RAD51B: variants seen among roughly 807,000 people sequenced by gnomAD.
RAD51B encodes DNA repair protein RAD51 homolog 2.
Under a neutral mutation model 42.2 loss-of-function variants are expected in RAD51B, and 38 were observed. The observed-to-expected ratio is 0.90, with a 90% confidence interval of 0.70 to 1.18. The LOEUF (loss-of-function observed/expected upper bound fraction) is 1.18, where lower values mean the gene tolerates loss of function less well. Ranked by LOEUF, RAD51B falls within the 50% of genes most tolerant of loss-of-function variation. RAD51B has a pLI of 0.00. For missense variants in RAD51B, 373 were observed against 400.7 expected (o/e 0.93, Z 0.59); for synonymous variants, 154 against 145.2 (o/e 1.06, Z -0.43).
Position 67,940,022 on chromosome 14 carries a change from G to GCA in RAD51B, c.756+52819_756+52820dup, listed in dbSNP as rs1288636507. On this transcript the variant is annotated intron_variant, in intron 7 of 10. Coordinates refer to ENST00000471583, the MANE Select transcript of RAD51B (RefSeq NM_133510.4). ...TATAAAACTGTAACATTTGATAGATGCATATATATATATATATATATATAT... is the reference window on the plus strand; with the variant it reads ...TATAAAACTGTAACATTTGATAGATGCACATATATATATATATATATATATAT... 6.5e-3 allele frequency among the ~76,000 whole-genome samples: 124 copies of GCA among 19,200 alleles called. 6 individuals carry two copies. Among genetic ancestry groups the GCA allele is most frequent in the Middle Eastern group, 0.062 (1 of 16 alleles). The allele number at this position is 19,200 out of a possible 152,430, so 12.6% of individuals were successfully genotyped here. A position where few individuals can be genotyped will look rare whatever the true frequency, so the allele number is the denominator to read the frequency against.
At chr14:68,287,596 T>C (rs1358430794) in intron 7 of RAD51B, among the ~76,000 whole-genome samples, 1 of 152,110 alleles carries the variant, frequency 6.6e-6, no homozygotes, top group Non-Finnish European at 1.5e-5. Flanking sequence ...GTGTTGGGGG[T>C]GTGTTGCGTG....
chr14:67,853,048 A>C lies in RAD51B; in HGVS notation c.316-11955A>C, dbSNP rs1240003729. Among the ~76,000 whole-genome samples the C allele has an allele frequency of 2.0e-5, 3 of 152,200 alleles. No homozygotes were observed. In the East Asian group the frequency reaches 5.8e-4, roughly 29 times the overall value. ...GGGAAGGAAGAAAAGCTTAAAACCCAAGAAGGACTCAGGATGCCATTGCTG... is the reference window on the plus strand; with the variant it reads ...GGGAAGGAAGAAAAGCTTAAAACCCCAGAAGGACTCAGGATGCCATTGCTG... On this transcript the variant is annotated intron_variant, in intron 4 of 10. Transcript: ENST00000471583.
chr14:67,929,058 T>C (rs1226998667), intron 7 of RAD51B, among the ~76,000 whole-genome samples: 1 of 152,078 alleles, frequency 6.6e-6, no homozygotes, highest in African/African-American at 2.4e-5. Flanking sequence ...ATGATCAACG[T>C]TTTGTATTGT....
At chr14:68,036,459 C>CT (rs2076124453) in intron 7 of RAD51B, among the ~76,000 whole-genome samples, 1 of 152,174 alleles carries the variant, frequency 6.6e-6, no homozygotes, top group African/African-American at 2.4e-5. Context: ...AAAGTAATGA[C>CT]TAGAAGACTG....
At chr14:67,869,481 G>C (rs547573778) in intron 5 of RAD51B, among the ~76,000 whole-genome samples, 1 of 152,164 alleles carries the variant, frequency 6.6e-6, no homozygotes, top group African/African-American at 2.4e-5. Flanking sequence ...GAAAGTGACG[G>C]GGAGAATGGA....
intron 11 of RAD51B, among the ~76,000 whole-genome samples, chr14:68,667,924 A>G (rs1278597358): frequency 6.6e-6 from 1 of 152,208 alleles, no homozygotes; most frequent in Non-Finnish European, 1.5e-5. Flanking sequence ...GCCTTCAGTA[A>G]GGTAACTCCA....
At chr14:68,316,354 G>A (rs913831622) in intron 8 of RAD51B, among the ~76,000 whole-genome samples, 1 of 152,356 alleles carries the variant, frequency 6.6e-6, no homozygotes, top group Middle Eastern at 3.4e-3. Context: ...GCTGGTCAAG[G>A]AAGTGTTTTT....
At chr14:67,843,577 A>G (rs2041507320) in intron 4 of RAD51B, 1 of 151,794 alleles carries the variant, frequency 6.6e-6, no homozygotes, top group Non-Finnish European at 1.5e-5. Flanking sequence ...TTCTGGTTCA[A>G]TTTTGGGAGG....
chr14:68,545,833 G>A (rs553857348), intron 10 of RAD51B, among the ~76,000 whole-genome samples: 8 of 152,238 alleles, frequency 5.3e-5, no homozygotes, highest in Admixed American at 2.0e-4. Flanking sequence ...AGATTGGGCC[G>A]CATTAGTAAG....
rs114525337 is a variant in RAD51B at position 68,043,512 on chromosome 14, A to G, written c.756+156308A>G. 2.3e-3 allele frequency among the ~76,000 whole-genome samples: 350 copies of G among 152,328 alleles called. 1 individual carries two copies. Among genetic ancestry groups the G allele is most frequent in the African/African-American group, 8.2e-3 (339 of 41,576 alleles). ...TACCAACTTTTTCTTAGATGGGAAG[A>G]AAAATGGAATTCAAGCCCCAATTAT... is the stretch of plus-strand genomic sequence containing the variant. On this transcript the variant is annotated intron_variant, in intron 7 of 10. Coordinates refer to ENST00000471583, the MANE Select transcript of RAD51B (RefSeq NM_133510.4).
chr14:68,563,951 T>C, intron 10 of RAD51B: 1 of 971,514 alleles, frequency 1.0e-6, no homozygotes. Flanking sequence ...TAGAGAACTC[T>C]TGGGTGCTCC....
intron 7 of RAD51B, among the ~76,000 whole-genome samples, chr14:67,981,232 T>G (rs890618261): frequency 2.0e-5 from 3 of 152,038 alleles, no homozygotes; most frequent in African/African-American, 7.2e-5. Context: ...AAATATTACT[T>G]CCTTTTCTAT....
chr14:68,177,884 GAAGACATT>G (rs1306090463), intron 7 of RAD51B, among the ~76,000 whole-genome samples: 1 of 152,118 alleles, frequency 6.6e-6, no homozygotes, highest in Non-Finnish European at 1.5e-5. Context: ...TACCTTGCCT[GAAGACATT>G]TTCCTACTCA....
chr14:68,280,431 G>C (rs958370128), intron 7 of RAD51B, among the ~76,000 whole-genome samples: 5 of 152,126 alleles, frequency 3.3e-5, no homozygotes, highest in Non-Finnish European at 7.3e-5. Context: ...TCTGCGTCTG[G>C]TGCTCCCATG....
chr14:68,219,134 A>G (rs1595565793), intron 7 of RAD51B, among the ~76,000 whole-genome samples: 1 of 152,232 alleles, frequency 6.6e-6, no homozygotes, highest in East Asian at 1.9e-4. Context: ...ACAGAGCACC[A>G]TAATCTTGCG....
At chr14:68,629,650 G>A (rs925983150) in intron 10 of RAD51B, among the ~76,000 whole-genome samples, 3 of 152,170 alleles carry the variant, frequency 2.0e-5, no homozygotes, top group African/African-American at 4.8e-5. Flanking sequence ...TAGCTTTATC[G>A]TTTTGTGATG....
At chr14:68,112,279 T>G (rs1402648848) in intron 7 of RAD51B, among the ~76,000 whole-genome samples, 4 of 152,028 alleles carry the variant, frequency 2.6e-5, no homozygotes, top group African/African-American at 9.7e-5. Flanking sequence ...TTAACAATGG[T>G]CTTCCATAAT....
chr14:68,121,682 A>C (rs2077654687), intron 7 of RAD51B, among the ~76,000 whole-genome samples: 1 of 152,212 alleles, frequency 6.6e-6, no homozygotes, highest in East Asian at 1.9e-4. Flanking sequence ...AAAAACTAGA[A>C]AGGAGGCATA....
intron 7 of RAD51B, among the ~76,000 whole-genome samples, chr14:67,997,748 C>A (rs1346954267): frequency 1.3e-5 from 2 of 152,154 alleles, no homozygotes; most frequent in Non-Finnish European, 2.9e-5. Flanking sequence ...TAAGTTCAAC[C>A]AGTTAATACT....
Sources: gnomAD v4.1 joint callset for allele counts (sites outside exome capture counted in the v4.1 genomes callset) on GRCh38, gnomAD v4.1.1 for gene constraint, MANE v1.5 for transcripts, NCBI Gene and HGNC (gene_info 2026-07-23, HGNC 2026-07-21) for gene names.